Variants in HIPK2 observed in about 807,000 individuals in gnomAD.
The protein encoded by HIPK2 is homeodomain interacting protein kinase 2.
A neutral mutation model predicts 113.7 loss-of-function variants in HIPK2; 27 were observed. The ratio of observed to expected loss-of-function variants is 0.24; its 90% CI spans 0.17 to 0.33. The LOEUF (loss-of-function observed/expected upper bound fraction) is 0.33, where lower values mean the gene tolerates loss of function less well. HIPK2 is among the 10% of genes least tolerant of loss of function. The probability of loss-of-function intolerance (pLI) is 1.00; values close to 1 mark genes in which losing one functional copy is unlikely to be tolerated. For synonymous variants in HIPK2, 631 were observed against 642.2 expected, an observed-to-expected ratio of 0.98 and a Z score of 0.26; for missense variants, 1,257 against 1,588.0, an observed-to-expected ratio of 0.79 and a Z score of 3.54.
chr7:139,756,246 G>A (rs993584842), intron 1 of HIPK2, among the ~76,000 whole-genome samples: 1 of 152,120 alleles, frequency 6.6e-6, no homozygotes, highest in African/African-American at 2.4e-5. Flanking sequence ...AAACACACAC[G>A]ATCTGATTTA....
intron 2 of HIPK2, among the ~76,000 whole-genome samples, chr7:139,644,374 T>C (rs1801136191): frequency 6.6e-6 from 1 of 152,106 alleles, no homozygotes; most frequent in African/African-American, 2.4e-5. Context: ...TCACCATGTG[T>C]GGGAGGTGAC....
chr7:139,657,921 G>A (rs1471854823), intron 2 of HIPK2, among the ~76,000 whole-genome samples: 2 of 152,164 alleles, frequency 1.3e-5, no homozygotes, highest in Non-Finnish European at 2.9e-5. Context: ...TGCCCTTTAA[G>A]AGGTCTGCAC....
chr7:139,621,207 G>A (rs533799265), intron 6 of HIPK2, among the ~76,000 whole-genome samples: 2 of 152,240 alleles, frequency 1.3e-5, no homozygotes, highest in South Asian at 2.1e-4. Context: ...CACTCGGTCC[G>A]GCAACATCCA....
chr7:139,591,782 T>C (rs571546745), intron 12 of HIPK2, among the ~76,000 whole-genome samples: 1 of 152,348 alleles, frequency 6.6e-6, no homozygotes, highest in East Asian at 1.9e-4. Context: ...ACACCAAAGT[T>C]CCTTCAAATG....
chr7:139,724,243 G>A (rs529951947), intron 1 of HIPK2, among the ~76,000 whole-genome samples: 1 of 151,904 alleles, frequency 6.6e-6, no homozygotes, highest in East Asian at 1.9e-4. Flanking sequence ...ATACCTCAGG[G>A]GGTCAAAAAG....
In HIPK2 at chr7:139,583,523, T is replaced by C. The variant is rs1798736637; in HGVS notation, c.2965+294A>G. 5.6e-5 allele frequency: 19 copies of C among 341,952 alleles called. No homozygotes were observed. The Admixed American group carries it at 7.7e-4, about 14-fold the overall frequency. 21.2% of individuals were successfully genotyped at this position (341,952 alleles called of 1,614,324 possible). A position where few individuals can be genotyped will look rare whatever the true frequency, so the allele number is the denominator to read the frequency against. On this transcript the variant is annotated intron_variant, in intron 13 of 14. Coordinates refer to ENST00000406875, the MANE Select transcript of HIPK2 (RefSeq NM_022740.5). ...CCAGGTATTCTTCCAGGCTCAGGCATAAAGAACCAGGAGGCTTTTATTTTC... is the reference window on the plus strand; with the variant it reads ...CCAGGTATTCTTCCAGGCTCAGGCACAAAGAACCAGGAGGCTTTTATTTTC...
At chr7:139,649,220 A>C (rs1801363479) in intron 2 of HIPK2, among the ~76,000 whole-genome samples, 1 of 151,628 alleles carries the variant, frequency 6.6e-6, no homozygotes, top group African/African-American at 2.4e-5. Flanking sequence ...CCACCTCCCC[A>C]CACCCTGACT....
At chr7:139,721,857 C>T (rs765174261) in intron 1 of HIPK2, among the ~76,000 whole-genome samples, 11 of 152,192 alleles carry the variant, frequency 7.2e-5, no homozygotes, top group Non-Finnish European at 1.6e-4. Flanking sequence ...ACCACACCTG[C>T]TCCTACAGGA....
At chr7:139,607,935 T>A (rs1485090369) in intron 9 of HIPK2, among the ~76,000 whole-genome samples, 1 of 152,088 alleles carries the variant, frequency 6.6e-6, no homozygotes, top group African/African-American at 2.4e-5. Context: ...ATTAAACAGT[T>A]AAGTTAAAAA....
At chr7:139,757,948 TA>T (rs1472962279) in intron 1 of HIPK2, among the ~76,000 whole-genome samples, 3 of 152,198 alleles carry the variant, frequency 2.0e-5, no homozygotes, top group African/African-American at 7.2e-5. Flanking sequence ...AGGATTAACT[TA>T]AGACATGTAT....
At chr7:139,749,536 G>T (rs1429020927) in intron 1 of HIPK2, among the ~76,000 whole-genome samples, 2 of 152,172 alleles carry the variant, frequency 1.3e-5, no homozygotes, top group African/African-American at 4.8e-5. Flanking sequence ...TTCACATCAG[G>T]CTAAGAAAGC....
chr7:139,732,560 C>T (rs1480363357), intron 1 of HIPK2, among the ~76,000 whole-genome samples: 2 of 151,990 alleles, frequency 1.3e-5, no homozygotes, highest in African/African-American at 4.8e-5. Flanking sequence ...GGTCTGTATT[C>T]CAAGAGCTAA....
chr7:139,746,485 G>A (rs748595353), intron 1 of HIPK2, among the ~76,000 whole-genome samples: 184 of 152,320 alleles, frequency 1.2e-3, no homozygotes, highest in South Asian at 6.2e-4. Context: ...GACAGCGACT[G>A]TGCTGAAGTG....
At chr7:139,705,304 C>T (rs989028355) in intron 2 of HIPK2, among the ~76,000 whole-genome samples, 4 of 152,102 alleles carry the variant, frequency 2.6e-5, no homozygotes, top group Non-Finnish European at 4.4e-5. Flanking sequence ...TACACGCATG[C>T]GGCTATCTCA....
At position 139,630,690 on chromosome 7, in the gene HIPK2, G is replaced by A. The variant is rs1333808491; in HGVS notation, c.1347+475C>T. 2.0e-5 allele frequency among the ~76,000 whole-genome samples: 3 copies of A among 152,180 alleles called. No homozygotes were observed. Among genetic ancestry groups the A allele is most frequent in the African/African-American group, 2.4e-5 (1 of 41,444 alleles). On this transcript the variant is annotated intron_variant, in intron 4 of 14. Transcript: ENST00000406875. This position sits in a 1 kb window ranked among gnomAD's most constrained non-coding sequence, Gnocchi z 4.0. ...TGGGATTACAGGCGTGAGCCACCACGCTCCCTCTTCATTCTTTAGGGCCCA... is the reference window on the plus strand; with the variant it reads ...TGGGATTACAGGCGTGAGCCACCACACTCCCTCTTCATTCTTTAGGGCCCA...
intron 2 of HIPK2, among the ~76,000 whole-genome samples, chr7:139,672,293 G>C (rs73486046): frequency 0.073 from 11,175 of 152,242 alleles, 449 homozygotes; most frequent in African/African-American, 0.11. Context: ...CTACATTTAT[G>C]TAAGTTGGCA....
chr7:139,629,465 C>T (rs553492079), intron 4 of HIPK2, among the ~76,000 whole-genome samples: 2 of 152,304 alleles, frequency 1.3e-5, no homozygotes, highest in South Asian at 4.1e-4. Context: ...TGTTCTAAAG[C>T]ACATTTATTC....
At chr7:139,702,808 CCTG>C (rs1794750873) in intron 2 of HIPK2, among the ~76,000 whole-genome samples, 1 of 152,206 alleles carries the variant, frequency 6.6e-6, no homozygotes, top group South Asian at 2.1e-4. Context: ...CTTGCAAAGT[CCTG>C]CTATTTCAGC....
chr7:139,607,062 G>C (rs1799643037), intron 9 of HIPK2, among the ~76,000 whole-genome samples: 1 of 152,148 alleles, frequency 6.6e-6, no homozygotes, highest in East Asian at 1.9e-4. Context: ...CAGAGAACAT[G>C]CTCTTTTTTG....
Sources: gnomAD v4.1 joint callset for allele counts (sites outside exome capture counted in the v4.1 genomes callset) on GRCh38, gnomAD v4.1.1 for gene constraint, Gnocchi (gnomAD v3.1) non-coding constraint, MANE v1.5 for transcripts, NCBI Gene and HGNC (gene_info 2026-07-23, HGNC 2026-07-21) for gene names.